Variants in SLCO6A1 observed in about 807,000 individuals in gnomAD.
SLCO6A1 encodes the protein solute carrier organic anion transporter family member 6A1.
Under a neutral mutation model 72.7 loss-of-function variants are expected in SLCO6A1, and 65 were observed. That is an observed-to-expected ratio of 0.89 (90% CI 0.73 to 1.10). SLCO6A1 has a LOEUF of 1.10. Among genes scored for constraint, SLCO6A1 ranks in the 50% least tolerant of loss-of-function variants. The pLI is 0.00. For missense variants in SLCO6A1, 874 were observed against 872.6 expected, an observed-to-expected ratio of 1.00 and a Z score of -0.02; for synonymous variants, 314 against 298.2, an observed-to-expected ratio of 1.05 and a Z score of -0.55.
intron 9 of SLCO6A1, 33 bp downstream of exon 9, chr5:102,412,957 T>A: frequency 1.0e-6 from 1 of 969,452 alleles, no homozygotes; most frequent in Non-Finnish European, 1.4e-6. Context: ...TATAAATGTA[T>A]AACAAAACAT....
chr5:102,385,799 CA>C (rs1181952705), intron 12 of SLCO6A1, among the ~76,000 whole-genome samples: 1 of 146,680 alleles, frequency 6.8e-6, no homozygotes, highest in Non-Finnish European at 1.5e-5. Context: ...AGGCAGTTCA[CA>C]AGTCTCCATT....
chr5:102,420,700 AT>A (rs1735565628), intron 7 of SLCO6A1, among the ~76,000 whole-genome samples: 1 of 152,156 alleles, frequency 6.6e-6, no homozygotes, highest in African/African-American at 2.4e-5. Flanking sequence ...ATACTGTTAC[AT>A]CTAAATATGA....
At chr5:102,497,298 T>A (rs1006645144) in intron 1 of SLCO6A1, among the ~76,000 whole-genome samples, 5 of 152,208 alleles carry the variant, frequency 3.3e-5, no homozygotes, top group Non-Finnish European at 5.9e-5. Context: ...GGAAAAAAGA[T>A]CCAATAGAGA....
intron 12 of SLCO6A1, among the ~76,000 whole-genome samples, chr5:102,379,241 A>G (rs2112479319): frequency 6.6e-6 from 1 of 151,954 alleles, no homozygotes; most frequent in South Asian, 2.1e-4. Context: ...TGTATTCCAC[A>G]TTGTTATCTT....
chr5:102,383,062 A>T (rs1486752580), intron 12 of SLCO6A1, among the ~76,000 whole-genome samples: 1 of 135,114 alleles, frequency 7.4e-6, no homozygotes, highest in Non-Finnish European at 1.6e-5. Flanking sequence ...ACACTCTACC[A>T]AAAACTATAT....
At chr5:102,443,083 G>C (rs1343505673) in intron 6 of SLCO6A1, among the ~76,000 whole-genome samples, 1 of 152,124 alleles carries the variant, frequency 6.6e-6, no homozygotes, top group Non-Finnish European at 1.5e-5. Flanking sequence ...TGTTGTCCCA[G>C]CTACTCGGGA....
chr5:102,462,233 T>C (rs1001946350), intron 4 of SLCO6A1, among the ~76,000 whole-genome samples: 2 of 152,094 alleles, frequency 1.3e-5, no homozygotes, highest in Non-Finnish European at 2.9e-5. Context: ...AAATAAATCA[T>C]AGGTGACACA....
At chr5:102,464,146 T>C (rs1316368599) in intron 4 of SLCO6A1, among the ~76,000 whole-genome samples, 1 of 151,434 alleles carries the variant, frequency 6.6e-6, no homozygotes, top group African/African-American at 2.4e-5. Context: ...ACTAAAGAAC[T>C]TATTCAGGTA....
In SLCO6A1 at chr5:102,475,015, A is replaced by G. The variant is rs115038966; in HGVS notation, c.899+682T>C. Among the ~76,000 whole-genome samples the G allele has an allele frequency of 8.2e-3, 1,254 of 152,216 alleles. 12 individuals carry two copies. Among genetic ancestry groups the G allele is most frequent in the Non-Finnish European group, 0.015 (1,005 of 67,956 alleles). On this transcript the variant is annotated intron_variant, in intron 4 of 13. Coordinates refer to ENST00000506729, the MANE Select transcript of SLCO6A1 (RefSeq NM_173488.5). ...TGGTGCAGTCGTTATAAAAAACAGTATAAAAGTTTTTCGAAAAAATAAAAC... is the reference window on the plus strand; with the variant it reads ...TGGTGCAGTCGTTATAAAAAACAGTGTAAAAGTTTTTCGAAAAAATAAAAC...
At chr5:102,473,576 T>C (rs1018833935) in intron 4 of SLCO6A1, among the ~76,000 whole-genome samples, 1 of 151,958 alleles carries the variant, frequency 6.6e-6, no homozygotes, top group Non-Finnish European at 1.5e-5. Flanking sequence ...TAGTTTGTTC[T>C]CACCATGTTC....
chr5:102,472,584 A>G (rs114313122), intron 4 of SLCO6A1, among the ~76,000 whole-genome samples: 2,875 of 152,138 alleles, frequency 0.019, 33 homozygotes, highest in Admixed American at 0.03. Context: ...CAGCTTTAAA[A>G]TATATATTTA....
chr5:102,498,912 A>G lies in SLCO6A1; in HGVS notation c.-68T>C. The stretch of plus-strand genomic sequence containing the variant: ...TCGGCTGCCCGTCCTGCCTGGGCCA[A>G]CCCAAAGGCCAGCCTGGCGAGGGCG... On this transcript the variant is annotated 5_prime_UTR_variant, in exon 1 of 14. Coordinates refer to ENST00000506729, the MANE Select transcript of SLCO6A1 (RefSeq NM_173488.5). The G allele has an allele frequency of 3.5e-6, 5 of 1,440,046 alleles. No homozygotes were observed. Among genetic ancestry groups the G allele is most frequent in the Non-Finnish European group, 3.7e-6 (4 of 1,071,190 alleles). The allele number at this position is 1,440,046 out of a possible 1,614,324, so 89.2% of individuals were successfully genotyped here.
At chr5:102,375,670 C>A (rs1179701712) in intron 12 of SLCO6A1, among the ~76,000 whole-genome samples, 2 of 152,044 alleles carry the variant, frequency 1.3e-5, no homozygotes, top group East Asian at 3.9e-4. Flanking sequence ...CCAGAAAAGG[C>A]CGACAGGGTG....
chr5:102,430,304 T>C (rs763204647), intron 7 of SLCO6A1, among the ~76,000 whole-genome samples: 4 of 152,144 alleles, frequency 2.6e-5, no homozygotes, highest in East Asian at 1.9e-4. Flanking sequence ...TTTCTTTCTC[T>C]TGTCTGATTG....
chr5:102,487,075 T>C (rs1193319663), intron 1 of SLCO6A1, among the ~76,000 whole-genome samples: 1 of 152,180 alleles, frequency 6.6e-6, no homozygotes, highest in Non-Finnish European at 1.5e-5. Context: ...TTTTCATATG[T>C]GAATATAAAA....
intron 10 of SLCO6A1, among the ~76,000 whole-genome samples, chr5:102,399,158 T>C (rs1279861147): frequency 6.6e-6 from 1 of 152,114 alleles, no homozygotes; most frequent in Admixed American, 6.6e-5. Flanking sequence ...GCTCCTTTGT[T>C]GATGACACTC....
At chr5:102,442,697 C>T (rs999322410) in intron 6 of SLCO6A1, among the ~76,000 whole-genome samples, 9 of 152,270 alleles carry the variant, frequency 5.9e-5, no homozygotes, top group Admixed American at 2.0e-4. Context: ...TGCAATTTAT[C>T]ATAAGGTTAA....
intron 11 of SLCO6A1, 34 bp downstream of exon 11, chr5:102,390,947 T>C: frequency 6.3e-7 from 1 of 1,591,118 alleles, no homozygotes; most frequent in East Asian, 2.2e-5. Flanking sequence ...CAAAAAACAT[T>C]TTGATGTAAT....
At chr5:102,390,171 C>T (rs1580339295) in intron 11 of SLCO6A1, among the ~76,000 whole-genome samples, 1 of 152,170 alleles carries the variant, frequency 6.6e-6, no homozygotes, top group South Asian at 2.1e-4. Flanking sequence ...TCTACCCTCT[C>T]CCATTCAAAA....
Sources: gnomAD v4.1 joint callset for allele counts (sites outside exome capture counted in the v4.1 genomes callset) on GRCh38, gnomAD v4.1.1 for gene constraint, MANE v1.5 for transcripts, NCBI Gene and HGNC (gene_info 2026-07-23, HGNC 2026-07-21) for gene names.